Variants in CMTM7 observed in about 807,000 individuals in gnomAD.
CMTM7 encodes CKLF-like MARVEL transmembrane domain-containing protein 7.
In CMTM7, 7 loss-of-function variants were observed where a neutral mutation model predicts 19.3. That is an observed-to-expected ratio of 0.36 (90% CI 0.21 to 0.68). The LOEUF (loss-of-function observed/expected upper bound fraction) is 0.68, where lower values mean the gene tolerates loss of function less well. Among genes scored for constraint, CMTM7 ranks in the 30% least tolerant of loss-of-function variants. CMTM7 has a pLI of 0.60. For synonymous variants in CMTM7, 87 were observed against 99.3 expected (o/e 0.88, Z 0.74); for missense variants, 193 against 232.6 (o/e 0.83, Z 1.11).
intron 1 of CMTM7, among the ~76,000 whole-genome samples, chr3:32,426,717 C>T (rs892892977): frequency 6.6e-6 from 1 of 152,096 alleles, no homozygotes; most frequent in Non-Finnish European, 1.5e-5. Context: ...GTAATTTTTC[C>T]ACTTTTATAA....
chr3:32,441,497 A>G (rs528176920), intron 1 of CMTM7, among the ~76,000 whole-genome samples: 28 of 152,284 alleles, frequency 1.8e-4, no homozygotes, highest in East Asian at 1.2e-3. Context: ...TCTTTGCTCT[A>G]TGGATATCCA....
intron 1 of CMTM7, among the ~76,000 whole-genome samples, chr3:32,424,239 C>T (rs1185371383): frequency 6.6e-6 from 1 of 152,152 alleles, no homozygotes; most frequent in Non-Finnish European, 1.5e-5. Context: ...CTCTCCAGTG[C>T]TCTAAGCCTC....
intron 1 of CMTM7, among the ~76,000 whole-genome samples, chr3:32,416,390 TTTTTTTTG>T (rs1696265324): frequency 6.2e-5 from 6 of 97,014 alleles, no homozygotes; most frequent in African/African-American, 1.3e-4. Flanking sequence ...TTTTTTTTTT[TTTTTTTTG>T]AGACGGAGTC....
intron 1 of CMTM7, among the ~76,000 whole-genome samples, chr3:32,407,401 G>A (rs1405967145): frequency 1.3e-5 from 2 of 152,166 alleles, no homozygotes; most frequent in Non-Finnish European, 2.9e-5. Flanking sequence ...GAAAATAAAA[G>A]TTAATGGGAA....
At position 32,414,177 on chromosome 3, in the gene CMTM7, T is replaced by G. The variant is rs183996357; in HGVS notation, c.159+22112T>G. ...TGGAGAGCACTCCCCAGTTAACTTT[T>G]TGCATGCAAATCTCTTTCTCAGAGT... On this transcript the variant is annotated intron_variant, in intron 1 of 4. Coordinates refer to ENST00000334983, the MANE Select transcript of CMTM7 (RefSeq NM_138410.4). 4.6e-5 allele frequency among the ~76,000 whole-genome samples: 7 copies of G among 152,302 alleles called. No individual in the cohort carries two copies. The East Asian group carries it at 1.4e-3, about 29-fold the overall frequency.
chr3:32,403,043 C>T (rs746145986), intron 1 of CMTM7, among the ~76,000 whole-genome samples: 3 of 152,166 alleles, frequency 2.0e-5, no homozygotes, highest in Non-Finnish European at 2.9e-5. Flanking sequence ...TTTCCTTATT[C>T]CCTGAGAAGC....
At chr3:32,415,387 C>G (rs545108888) in intron 1 of CMTM7, among the ~76,000 whole-genome samples, 1 of 152,304 alleles carries the variant, frequency 6.6e-6, no homozygotes, top group Admixed American at 6.5e-5. Flanking sequence ...GACCTGAGAC[C>G]ATCAGCACCT....
chr3:32,424,788 G>A (rs1283547643), intron 1 of CMTM7, among the ~76,000 whole-genome samples: 2 of 152,130 alleles, frequency 1.3e-5, no homozygotes, highest in Admixed American at 6.5e-5. Context: ...CTGGACCACA[G>A]GTGTGCGCCA....
chr3:32,445,702 G>C (rs1696744657), intron 2 of CMTM7, among the ~76,000 whole-genome samples: 1 of 151,894 alleles, frequency 6.6e-6, no homozygotes, highest in Non-Finnish European at 1.5e-5. Context: ...TTTTGGTAGA[G>C]ATAAGGTCTC....
chr3:32,431,887 T>G (rs1414536150), intron 1 of CMTM7, among the ~76,000 whole-genome samples: 1 of 152,210 alleles, frequency 6.6e-6, no homozygotes, highest in Non-Finnish European at 1.5e-5. Flanking sequence ...ATCCCAACAC[T>G]TTGGGAGACC....
intron 1 of CMTM7, among the ~76,000 whole-genome samples, chr3:32,393,065 G>A (rs940861179): frequency 3.3e-5 from 5 of 152,158 alleles, no homozygotes; most frequent in African/African-American, 1.2e-4. Flanking sequence ...GGAAAGGAGT[G>A]TGGGGCTGGA....
At chr3:32,405,203 C>T (rs1696072096) in intron 1 of CMTM7, among the ~76,000 whole-genome samples, 2 of 152,222 alleles carry the variant, frequency 1.3e-5, no homozygotes, top group African/African-American at 4.8e-5. Flanking sequence ...GGACTTCTCC[C>T]CAGACTCCTG....
intron 1 of CMTM7, among the ~76,000 whole-genome samples, chr3:32,413,619 G>A (rs1696213415): frequency 6.6e-6 from 1 of 152,168 alleles, no homozygotes; most frequent in Non-Finnish European, 1.5e-5. Flanking sequence ...ACTAGCTGCT[G>A]TAACAAATAA....
chr3:32,448,152 G>T (rs993347630), intron 2 of CMTM7, among the ~76,000 whole-genome samples: 1 of 152,178 alleles, frequency 6.6e-6, no homozygotes, highest in African/African-American at 2.4e-5. Flanking sequence ...TTTTGGCTGA[G>T]ATACTATTTA....
Position 32,394,404 on chromosome 3 carries a change from C to CA in CMTM7, c.159+2340dup, listed in dbSNP as rs532430018. Among the ~76,000 whole-genome samples the CA allele has an allele frequency of 3.0e-4, 45 of 152,296 alleles. No individual in the cohort carries two copies. The South Asian group carries it at 8.7e-3, about 29-fold the overall frequency. On this transcript the variant is annotated intron_variant, in intron 1 of 4. Coordinates refer to ENST00000334983, the MANE Select transcript of CMTM7 (RefSeq NM_138410.4). ...CTGAACAGGTTGACCCTTTTGTCCT[C>CA]AGCTTCTCATGAAATGTTTTCATCA...
At chr3:32,418,474 C>T (rs1430909851) in intron 1 of CMTM7, among the ~76,000 whole-genome samples, 1 of 152,078 alleles carries the variant, frequency 6.6e-6, no homozygotes, top group African/African-American at 2.4e-5. Flanking sequence ...TCTAAAAACT[C>T]TTTTCCTAAT....
chr3:32,434,924 A>G (rs1404713222), intron 1 of CMTM7, among the ~76,000 whole-genome samples: 3 of 152,220 alleles, frequency 2.0e-5, no homozygotes, highest in Admixed American at 2.0e-4. Context: ...GTAATTAAGG[A>G]AATGAAAATT....
rs781514375 is a variant in CMTM7, at chr3:32,449,486, C to T, written c.366C>T (p.Leu122=). 2 of 1,614,130 alleles carry T rather than the reference C, an allele frequency of 1.2e-6. No individual in the cohort carries two copies. The highest frequency in any genetic ancestry group is 1.7e-6 in the Non-Finnish European group (2 of 1,179,964). Residue 122 remains leucine (L), a synonymous_variant, in exon 3 of 5, where the codon CTC becomes CTT. Transcript: ENST00000334983. This position sits in a 1 kb window ranked among gnomAD's most constrained non-coding sequence, Gnocchi z 4.5. ...ELLHYLIGTL[L]LLIASIVAAS... is the part of the protein sequence containing the mutation. Reference sequence around the variant, plus strand: ...TGCACTATTTAATCGGTACCCTGCTCCTCCTCATCGCCTCCATTGTGGCAG... The same window carrying T: ...TGCACTATTTAATCGGTACCCTGCTTCTCCTCATCGCCTCCATTGTGGCAG...
intron 1 of CMTM7, among the ~76,000 whole-genome samples, chr3:32,407,194 G>A (rs568378562): frequency 1.1e-4 from 17 of 152,210 alleles, no homozygotes; most frequent in Non-Finnish European, 2.2e-4. Context: ...AAATCTGACC[G>A]CACCTTCCTT....
Sources: allele counts gnomAD v4.1 joint callset (sites outside exome capture counted in the v4.1 genomes callset), GRCh38; gene constraint gnomAD v4.1.1; non-coding constraint Gnocchi (gnomAD v3.1); transcripts MANE v1.5; gene names NCBI Gene and HGNC (gene_info 2026-07-23, HGNC 2026-07-21).